RYR2: variants seen among roughly 807,000 people sequenced by gnomAD.
RYR2 encodes cardiac muscle ryanodine receptor-calcium release channel.
Under a neutral mutation model 601.1 loss-of-function variants are expected in RYR2, and 227 were observed. The observed-to-expected ratio is 0.38, with a 90% CI of 0.34 to 0.42. RYR2 has a LOEUF of 0.42. Ranked by LOEUF, RYR2 falls within the 10% of genes least tolerant of loss-of-function variation. The pLI, the probability that RYR2 is intolerant of heterozygous loss-of-function variation, is 1.00. For missense variants in RYR2, 4,646 were observed against 6,156.5 expected, an observed-to-expected ratio of 0.75 and a Z score of 8.21; for synonymous variants, 2,223 against 2,175.1, an observed-to-expected ratio of 1.02 and a Z score of -0.61.
intron 10 of RYR2, among the ~76,000 whole-genome samples, chr1:237,394,307 T>C (rs560564505): frequency 9.2e-5 from 14 of 152,354 alleles, no homozygotes; most frequent in South Asian, 2.1e-4. Flanking sequence ...GTGTAAGCTA[T>C]TGTTGTTTCA....
chr1:237,771,028 A>G (rs907317563), intron 85 of RYR2, 141 bp downstream of exon 85: 3 of 466,980 alleles, frequency 6.4e-6, no homozygotes, highest in African/African-American at 2.0e-5. Context: ...TGCATTGGGA[A>G]CTGGGACGTT....
chr1:237,641,117 A>C, intron 47 of RYR2, 115 bp downstream of exon 47: 1 of 622,820 alleles, frequency 1.6e-6, no homozygotes, highest in Non-Finnish European at 2.6e-6. Flanking sequence ...TCCATTAAAA[A>C]TAATAGCTGC....
Position 237,364,379 on chromosome 1 carries a change from C to A in RYR2, c.309+7C>A. The A allele has an allele frequency of 6.6e-7, 1 of 1,522,492 alleles. No homozygotes were observed. The highest frequency in any genetic ancestry group is 9.0e-7 in the Non-Finnish European group (1 of 1,110,812). 94.3% of individuals were successfully genotyped at this position (1,522,492 alleles called of 1,614,324 possible). On this transcript the variant is annotated splice_region_variant and intron_variant, in intron 5 of 104. Coordinates refer to ENST00000366574, the MANE Select transcript of RYR2 (RefSeq NM_001035.3). Reference sequence around the variant, plus strand: ...ACAGAAATTCATGATGAAGGTAAGACATCTTAATATATATGCTATGTATAT... The same window carrying A: ...ACAGAAATTCATGATGAAGGTAAGAAATCTTAATATATATGCTATGTATAT...
At chr1:237,702,277 G>C (rs1688030668) in intron 66 of RYR2, among the ~76,000 whole-genome samples, 1 of 152,136 alleles carries the variant, frequency 6.6e-6, no homozygotes, top group Admixed American at 6.5e-5. Context: ...AGCACTAATG[G>C]TAAAGACTAC....
At chr1:237,636,058 C>T (rs1323111549) in intron 44 of RYR2, among the ~76,000 whole-genome samples, 1 of 152,084 alleles carries the variant, frequency 6.6e-6, no homozygotes, top group Non-Finnish European at 1.5e-5. Context: ...GTTTCCTTTA[C>T]TGCTTTATTT....
chr1:237,099,278 C>T (rs2148505634), intron 1 of RYR2, among the ~76,000 whole-genome samples: 1 of 152,214 alleles, frequency 6.6e-6, no homozygotes, highest in East Asian at 1.9e-4. Flanking sequence ...TGTTCTGTGA[C>T]TCAGGCTGGA....
intron 25 of RYR2, among the ~76,000 whole-genome samples, chr1:237,545,510 A>C (rs565404797): frequency 5.1e-4 from 77 of 152,322 alleles, no homozygotes; most frequent in African/African-American, 1.8e-3. Flanking sequence ...TGTGGCTGCT[A>C]GATGGGATCA....
chr1:237,770,134 T>A (rs1298351841), intron 84 of RYR2, among the ~76,000 whole-genome samples: 3 of 152,186 alleles, frequency 2.0e-5, no homozygotes, highest in Non-Finnish European at 4.4e-5. Flanking sequence ...GCCACCAAAG[T>A]CTGTCTTTTG....
In RYR2 at chr1:237,623,734, T is replaced by C. The variant is rs778035305; in HGVS notation, c.5917-31T>C. 4.2e-6 allele frequency: 6 copies of C among 1,413,730 alleles called. No homozygotes were observed. The South Asian group carries it at 4.6e-5, about 11-fold the overall frequency. The allele number at this position is 1,413,730 out of a possible 1,614,324, so 87.6% of individuals were successfully genotyped here. ...AATTCACCTTTCTTTTCTTCCTCCT[T>C]CTTCCTCTTTCTTGTTTTTCAAACT... On this transcript the variant is annotated intron_variant, in intron 38 of 104. Coordinates refer to ENST00000366574, the MANE Select transcript of RYR2 (RefSeq NM_001035.3).
rs767375014 is a variant in RYR2 at position 237,706,993 on chromosome 1, C to A, written c.9625C>A (p.Pro3209Thr). The change falls in exon 68 of 105, where the codon CCG becomes ACG. Residue 3209 changes from proline to threonine, a missense_variant. Physicochemically the swap from Pro to Thr is conservative, Grantham distance 38. Transcript: ENST00000366574. ...TNVEDVCPNI[P>T]SLEKLMEEIV... ...TGTGGAAGATGTTTGTCCAAACATACCGTCTTTGGAGAAACTCATGGAAGA... is the reference window on the plus strand; with the variant it reads ...TGTGGAAGATGTTTGTCCAAACATAACGTCTTTGGAGAAACTCATGGAAGA... 29 of 1,613,700 alleles carry A rather than the reference C, an allele frequency of 1.8e-5. No homozygotes were observed. The highest frequency in any genetic ancestry group is 2.1e-5 in the Non-Finnish European group (25 of 1,179,786).
chr1:237,062,959 GT>G lies in RYR2; in HGVS notation c.48+20401del, dbSNP rs1214299004. 8.8e-3 allele frequency among the ~76,000 whole-genome samples: 1,275 copies of G among 145,658 alleles called. 16 individuals are homozygous for G. The highest frequency in any genetic ancestry group is 0.027 in the African/African-American group (1,064 of 40,054). On this transcript the variant is annotated intron_variant, in intron 1 of 104. Transcript: ENST00000366574. ...ATCAGTTTAGAATTATGATTTTACT[GT>G]TTTTTTTTTTCTGTTAGTGCAATGG...
rs1230365667 is a variant in RYR2 at position 237,186,683 on chromosome 1, G to A, written c.49-83814G>A. Among the ~76,000 whole-genome samples, 6 of 152,156 alleles carry A rather than the reference G, an allele frequency of 3.9e-5. 1 individual carries two copies. The highest frequency in any genetic ancestry group is 4.1e-4 in the South Asian group (2 of 4,830). On this transcript the variant is annotated intron_variant, in intron 1 of 104. Coordinates refer to ENST00000366574, the MANE Select transcript of RYR2 (RefSeq NM_001035.3). ...GCATAAGAGTCCCCATCACTGTGCC[G>A]AAAAGCACAGGCTGACATTTCCCTC... is the stretch of plus-strand genomic sequence containing the variant.
chr1:237,625,341 C>T lies in RYR2; in HGVS notation c.6023-320C>T, dbSNP rs193053969. 2.4e-3 allele frequency among the ~76,000 whole-genome samples: 362 copies of T among 152,174 alleles called. 1 individual carries two copies. Among genetic ancestry groups the T allele is most frequent in the Non-Finnish European group, 3.1e-3 (211 of 68,012 alleles). ...GTCTAGGCAGACAGTATCTGAAGTC[C>T]GAGATGCCCAAGGGTTAGCCCAAAT... is the stretch of plus-strand genomic sequence containing the variant. On this transcript the variant is annotated intron_variant, in intron 39 of 104. Transcript: ENST00000366574.
chr1:237,774,099 C>T (rs985932931), intron 87 of RYR2, among the ~76,000 whole-genome samples: 4 of 152,134 alleles, frequency 2.6e-5, no homozygotes, highest in Non-Finnish European at 5.9e-5. Context: ...TTCTTTTTTA[C>T]ATCGATTTGT....
At chr1:237,782,826 G>C (rs547129552) in intron 89 of RYR2, among the ~76,000 whole-genome samples, 1 of 152,274 alleles carries the variant, frequency 6.6e-6, no homozygotes, top group Non-Finnish European at 1.5e-5. Context: ...GAGGTACAGA[G>C]AGGCTAAGAA....
intron 29 of RYR2, among the ~76,000 whole-genome samples, chr1:237,582,018 T>G (rs1033950669): frequency 1.3e-5 from 2 of 152,358 alleles, no homozygotes; most frequent in East Asian, 3.9e-4. Context: ...AGTTCTAAGA[T>G]TCCAGAAATC....
At chr1:237,671,659 G>T (rs1289704411) in intron 58 of RYR2, among the ~76,000 whole-genome samples, 1 of 152,030 alleles carries the variant, frequency 6.6e-6, no homozygotes, top group Non-Finnish European at 1.5e-5. Flanking sequence ...CATCTGTGCA[G>T]AGAAGATGAA....
rs6678561 is a variant in RYR2, at chr1:237,819,547, G to T, written c.14590+355G>T. Among the ~76,000 whole-genome samples, 1 of 151,928 alleles carries T rather than the reference G, an allele frequency of 6.6e-6. No individual in the cohort carries two copies. Among genetic ancestry groups the T allele is most frequent in the South Asian group, 2.1e-4 (1 of 4,830 alleles). On this transcript the variant is annotated intron_variant, in intron 101 of 104. Transcript: ENST00000366574. The surrounding 1 kb of genome is among the most constrained non-coding windows in gnomAD (Gnocchi z 4.0). Reference sequence around the variant, plus strand: ...TTAAACTTCTAAGCCAGCTGGGTGCGGTGGCTCATGCCTGTAATCCAAGCA... The same window carrying T: ...TTAAACTTCTAAGCCAGCTGGGTGCTGTGGCTCATGCCTGTAATCCAAGCA...
chr1:237,122,637 G>A (rs2490383), intron 1 of RYR2, among the ~76,000 whole-genome samples: 54,579 of 151,954 alleles, frequency 0.36, 12,012 homozygotes, highest in Admixed American at 0.49. Context: ...AGCTGAGATC[G>A]CGCCACTGCA....
Sources: allele counts gnomAD v4.1 joint callset (sites outside exome capture counted in the v4.1 genomes callset), GRCh38; gene constraint gnomAD v4.1.1; non-coding constraint Gnocchi (gnomAD v3.1); transcripts MANE v1.5; gene names NCBI Gene and HGNC (gene_info 2026-07-23, HGNC 2026-07-21).